ATOSA: variants seen among roughly 807,000 people sequenced by gnomAD.
ATOSA encodes the protein atos homolog A.
At chr15:52,669,968 G>A in the ATOSA span, among the ~76,000 whole-genome samples, 1 of 152,122 alleles carries the variant, frequency 6.6e-6, no homozygotes. Flanking sequence ...CCTCTTTCTA[G>A]TTCCCACCTC....
At chr15:52,695,346 A>C in the ATOSA span, among the ~76,000 whole-genome samples, 1 of 152,250 alleles carries the variant, frequency 6.6e-6, no homozygotes, top group Admixed American at 6.5e-5. Context: ...CATTTCTAGC[A>C]TAAACCATCC....
chr15:52,609,916 A>C, the ATOSA span: 1 of 1,610,890 alleles, frequency 6.2e-7, no homozygotes, highest in Middle Eastern at 1.7e-4. Context: ...TAAAGTTCTC[A>C]CTGATGTTTC....
the ATOSA span, among the ~76,000 whole-genome samples, chr15:52,677,059 A>C: frequency 6.6e-6 from 1 of 152,232 alleles, no homozygotes; most frequent in South Asian, 2.1e-4. Context: ...GGTGCATTTC[A>C]ATAGACCTAT....
the ATOSA span, among the ~76,000 whole-genome samples, chr15:52,664,352 T>C: frequency 4.9e-4 from 75 of 152,376 alleles, no homozygotes; most frequent in African/African-American, 1.8e-3. Context: ...ACTGGCCCTG[T>C]ATCCTCAGCG....
At chr15:52,654,839 T>C in the ATOSA span, among the ~76,000 whole-genome samples, 1 of 151,984 alleles carries the variant, frequency 6.6e-6, no homozygotes, top group South Asian at 2.1e-4. Flanking sequence ...TGAGACTTTC[T>C]AAACAAAAAA....
the ATOSA span, among the ~76,000 whole-genome samples, chr15:52,699,480 T>C: frequency 0.016 from 2,437 of 151,666 alleles, 50 homozygotes; most frequent in East Asian, 0.08. Flanking sequence ...TTAAAAGGAT[T>C]TGGAGATTTT....
the ATOSA span, among the ~76,000 whole-genome samples, chr15:52,582,612 C>G: frequency 6.6e-6 from 1 of 152,214 alleles, no homozygotes; most frequent in Admixed American, 6.5e-5. Flanking sequence ...ACAGTACATG[C>G]ACCTTTCCTC....
At chr15:52,597,777 AGAATTGTCTTGGGGCATATGTAAAATGT>A in the ATOSA span, among the ~76,000 whole-genome samples, 2 of 152,220 alleles carry the variant, frequency 1.3e-5, no homozygotes, top group African/African-American at 2.4e-5. Flanking sequence ...CACTGGAAGA[AGAATTGTCTTGGGGCATATGTAAAATGT>A]GAATTGTCTT....
At chr15:52,671,023 A>G in the ATOSA span, among the ~76,000 whole-genome samples, 1 of 152,164 alleles carries the variant, frequency 6.6e-6, no homozygotes, top group Non-Finnish European at 1.5e-5. Flanking sequence ...TTGAACATAC[A>G]GACATTCTCC....
the ATOSA span, among the ~76,000 whole-genome samples, chr15:52,616,782 G>C: frequency 6.6e-6 from 1 of 152,272 alleles, no homozygotes; most frequent in Non-Finnish European, 1.5e-5. Context: ...CCATGGGCAT[G>C]GAACAGCAAA....
At chr15:52,594,540 A>C in the ATOSA span, among the ~76,000 whole-genome samples, 12 of 152,208 alleles carry the variant, frequency 7.9e-5, no homozygotes, top group Admixed American at 1.3e-4. Flanking sequence ...TGATTCTAAA[A>C]GTTTGTGTAG....
At chr15:52,708,941 C>T in the ATOSA span, among the ~76,000 whole-genome samples, 10 of 152,098 alleles carry the variant, frequency 6.6e-5, no homozygotes, top group Non-Finnish European at 1.5e-5. Context: ...AACCCAAATG[C>T]CTCCAGAGCC....
At chr15:52,608,419 A>C in the ATOSA span, 1 of 646,058 alleles carries the variant, frequency 1.5e-6, no homozygotes, top group Non-Finnish European at 2.4e-6. Context: ...AAGGATGTTA[A>C]TACTAGTTCT....
At chr15:52,690,686 A>T in the ATOSA span, among the ~76,000 whole-genome samples, 1 of 152,250 alleles carries the variant, frequency 6.6e-6, no homozygotes, top group African/African-American at 2.4e-5. Context: ...GAATAAAATG[A>T]TGACATTTAT....
chr15:52,704,709 C>G, the ATOSA span, among the ~76,000 whole-genome samples: 3 of 152,160 alleles, frequency 2.0e-5, no homozygotes, highest in Non-Finnish European at 4.4e-5. Context: ...TATGAACAGA[C>G]AGTTCTCAAA....
chr15:52,661,030 A>G, the ATOSA span, among the ~76,000 whole-genome samples: 2 of 152,212 alleles, frequency 1.3e-5, no homozygotes, highest in African/African-American at 4.8e-5. Context: ...AGGTATTATC[A>G]CTAGCCTCAT....
At chr15:52,632,900 A>G in the ATOSA span, among the ~76,000 whole-genome samples, 1 of 152,248 alleles carries the variant, frequency 6.6e-6, no homozygotes, top group Non-Finnish European at 1.5e-5. Flanking sequence ...AGGAAAAGTG[A>G]TAACTAAAAT....
At chr15:52,701,305 G>T in the ATOSA span, among the ~76,000 whole-genome samples, 1 of 152,088 alleles carries the variant, frequency 6.6e-6, no homozygotes, top group Non-Finnish European at 1.5e-5. Flanking sequence ...CAGGCATGGT[G>T]GTCTGAGCCT....
At chr15:52,645,032 C>T in the ATOSA span, among the ~76,000 whole-genome samples, 2 of 152,344 alleles carry the variant, frequency 1.3e-5, no homozygotes, top group Non-Finnish European at 2.9e-5. Flanking sequence ...GTGTTAAAAA[C>T]TGTCTGAGAT....
Sources: gnomAD v4.1 joint callset for allele counts (sites outside exome capture counted in the v4.1 genomes callset) on GRCh38, gnomAD v4.1.1 for gene constraint, MANE v1.5 for transcripts, NCBI Gene and HGNC (gene_info 2026-07-23, HGNC 2026-07-21) for gene names.